Variants in RPS6KC1 observed in about 807,000 individuals in gnomAD.
RPS6KC1 encodes inactive ribosomal protein S6 kinase delta-1.
A neutral mutation model predicts 103.8 loss-of-function variants in RPS6KC1; 54 were observed. The ratio of observed to expected loss-of-function variants is 0.52; its 90% CI spans 0.42 to 0.65. RPS6KC1 has a LOEUF of 0.65. Ranked by LOEUF, RPS6KC1 falls within the 30% of genes least tolerant of loss-of-function variation. The pLI is 0.00. For synonymous variants in RPS6KC1, 439 were observed against 438.7 expected, an observed-to-expected ratio of 1.00 and a Z score of -0.01; for missense variants, 1,151 against 1,253.8, an observed-to-expected ratio of 0.92 and a Z score of 1.24.
the RPS6KC1 span, among the ~76,000 whole-genome samples, chr1:213,443,805 C>CT: frequency 2.2e-4 from 34 of 152,160 alleles, no homozygotes; most frequent in East Asian, 6.2e-3. Flanking sequence ...ATAGTCCCAG[C>CT]TACTGGGGAG....
chr1:213,363,715 T>C, the RPS6KC1 span, among the ~76,000 whole-genome samples: 1 of 117,952 alleles, frequency 8.5e-6, no homozygotes, highest in East Asian at 2.1e-4. Context: ...TCTTTCTTTC[T>C]TTCTTTCTTT....
the RPS6KC1 span, among the ~76,000 whole-genome samples, chr1:213,566,436 A>AGTTTTT: frequency 7.8e-5 from 2 of 25,760 alleles, no homozygotes; most frequent in Non-Finnish European, 1.7e-4. Flanking sequence ...CTCAGCCTTT[A>AGTTTTT]GTTTTTTTTT....
the RPS6KC1 span, among the ~76,000 whole-genome samples, chr1:213,377,686 T>C: frequency 6.6e-6 from 1 of 152,198 alleles, no homozygotes; most frequent in African/African-American, 2.4e-5. Flanking sequence ...TTTAATTTTG[T>C]TTTGGAAACT....
the RPS6KC1 span, among the ~76,000 whole-genome samples, chr1:213,426,780 T>C: frequency 6.6e-6 from 1 of 152,214 alleles, no homozygotes; most frequent in Non-Finnish European, 1.5e-5. Context: ...AACATTTAAT[T>C]GTGATATGAT....
chr1:213,376,790 C>T, the RPS6KC1 span, among the ~76,000 whole-genome samples: 1 of 152,166 alleles, frequency 6.6e-6, no homozygotes, highest in Non-Finnish European at 1.5e-5. Flanking sequence ...CAAGTAAACC[C>T]TGCTACTTTG....
chr1:213,280,309 C>G, the RPS6KC1 span, among the ~76,000 whole-genome samples: 7 of 152,240 alleles, frequency 4.6e-5, no homozygotes, highest in South Asian at 1.5e-3. Context: ...ATAACTCACC[C>G]TTTGTAGACA....
chr1:213,358,766 C>T, the RPS6KC1 span, among the ~76,000 whole-genome samples: 2 of 152,086 alleles, frequency 1.3e-5, no homozygotes, highest in African/African-American at 2.4e-5. Flanking sequence ...TCTTTGTTCT[C>T]GTTGGTTTCA....
the RPS6KC1 span, among the ~76,000 whole-genome samples, chr1:213,669,662 G>T: frequency 1.3e-5 from 2 of 152,204 alleles, no homozygotes; most frequent in East Asian, 3.9e-4. Context: ...TCCGTAAAAC[G>T]CAATAAAGCA....
chr1:213,387,075 G>A, the RPS6KC1 span, among the ~76,000 whole-genome samples: 1 of 152,184 alleles, frequency 6.6e-6, no homozygotes, highest in Admixed American at 6.5e-5. Context: ...TGGACAAGCT[G>A]GACACAGCAC....
the RPS6KC1 span, among the ~76,000 whole-genome samples, chr1:213,487,176 G>A: frequency 1.3e-5 from 2 of 152,164 alleles, no homozygotes; most frequent in Non-Finnish European, 2.9e-5. Context: ...GCCAAGGCGG[G>A]TAGATCACTT....
the RPS6KC1 span, among the ~76,000 whole-genome samples, chr1:213,862,251 C>T: frequency 6.6e-6 from 1 of 152,196 alleles, no homozygotes; most frequent in Non-Finnish European, 1.5e-5. Flanking sequence ...TCGTGCGGCT[C>T]TCCTTTTAGG....
intron 3 of RPS6KC1, among the ~76,000 whole-genome samples, chr1:213,096,754 A>G (rs1035954824): frequency 2.0e-5 from 3 of 152,094 alleles, no homozygotes; most frequent in Non-Finnish European, 4.4e-5. Flanking sequence ...AAGGTTTTCA[A>G]CTTATTTTGC....
Position 213,137,594 on chromosome 1 carries a change from A to G in RPS6KC1, c.835+7705A>G, listed in dbSNP as rs191685718. The stretch of plus-strand genomic sequence containing the variant: ...GTGATCTGCCCACCTTGGCCTCCCA[A>G]AGCGCCAGGATTAGAGGCGTGAGCC... On this transcript the variant is annotated intron_variant, in intron 6 of 14. Coordinates refer to ENST00000366960, the MANE Select transcript of RPS6KC1 (RefSeq NM_012424.6). Among the ~76,000 whole-genome samples the G allele has an allele frequency of 1.2e-4, 18 of 151,438 alleles. No homozygotes were observed. The East Asian group carries it at 3.5e-3, about 30-fold the overall frequency.
chr1:213,686,668 G>A, the RPS6KC1 span, among the ~76,000 whole-genome samples: 1 of 152,126 alleles, frequency 6.6e-6, no homozygotes, highest in South Asian at 2.1e-4. Context: ...TTTGTTACCT[G>A]AAAGGGGTCC....
chr1:213,070,102 T>C (rs1426262740), intron 1 of RPS6KC1, among the ~76,000 whole-genome samples: 3 of 152,340 alleles, frequency 2.0e-5, no homozygotes, highest in Admixed American at 2.0e-4. Flanking sequence ...TAGCCAGTGA[T>C]TACTTCTCAT....
intron 14 of RPS6KC1, among the ~76,000 whole-genome samples, chr1:213,268,400 C>G (rs1357166079): frequency 6.6e-6 from 1 of 151,830 alleles, no homozygotes; most frequent in Non-Finnish European, 1.5e-5. Flanking sequence ...GCTAGCAGAA[C>G]TGCCTTACAA....
the RPS6KC1 span, among the ~76,000 whole-genome samples, chr1:213,298,241 T>G: frequency 6.6e-6 from 1 of 152,274 alleles, no homozygotes; most frequent in Non-Finnish European, 1.5e-5. Flanking sequence ...TTTTTGCGTG[T>G]ATCTTTTGCC....
chr1:213,070,946 C>A, intron 1 of RPS6KC1, 60 bp from the exon 2 acceptor site: 1 of 1,039,890 alleles, frequency 9.6e-7, no homozygotes, highest in Non-Finnish European at 1.4e-6. Flanking sequence ...GTTAATTATA[C>A]AAATATGAAA....
At chr1:213,520,499 C>T in the RPS6KC1 span, among the ~76,000 whole-genome samples, 1 of 152,264 alleles carries the variant, frequency 6.6e-6, no homozygotes, top group South Asian at 2.1e-4. Flanking sequence ...ACAGCCAAAC[C>T]ATATCACTCA....
Sources: gnomAD v4.1 joint callset for allele counts (sites outside exome capture counted in the v4.1 genomes callset) on GRCh38, gnomAD v4.1.1 for gene constraint, MANE v1.5 for transcripts, NCBI Gene and HGNC (gene_info 2026-07-23, HGNC 2026-07-21) for gene names.